The following ARHGEF1 variants were observed in gnomAD, a reference collection of about 807,000 sequenced individuals.
ARHGEF1 encodes 115 kDa guanine nucleotide exchange factor.
In ARHGEF1, 40 loss-of-function variants were observed where a neutral mutation model predicts 119.7. The ratio of observed to expected loss-of-function variants is 0.33; its 90% CI spans 0.26 to 0.44. The LOEUF (loss-of-function observed/expected upper bound fraction) is 0.44. Among genes scored for constraint, ARHGEF1 ranks in the 20% least tolerant of loss-of-function variants. The pLI is 1.00. For missense variants in ARHGEF1, 976 were observed against 1,268.3 expected (o/e 0.77, Z 3.50); for synonymous variants, 494 against 521.0 (o/e 0.95, Z 0.71).
chr19:41,900,833 T>C (rs1214719963), intron 14 of ARHGEF1: 1 of 135,120 alleles, frequency 7.4e-6, no homozygotes, highest in Admixed American at 8.1e-5. Flanking sequence ...CTCTGTCGCC[T>C]AGGCTAGAGT....
In ARHGEF1 at chr19:41,899,945, T is replaced by C. The variant is rs112279220; in HGVS notation, c.1267+1358T>C. 6.6e-5 allele frequency among the ~76,000 whole-genome samples: 10 copies of C among 150,896 alleles called. 1 individual carries two copies. Among genetic ancestry groups the C allele is most frequent in the African/African-American group, 2.4e-4 (10 of 40,998 alleles). On this transcript the variant is annotated intron_variant, in intron 14 of 28. Transcript: ENST00000354532. ...TAAAAAAAAAAAAAAACATGAGCCATGTGCTACCCATTAGGACTTTCTGGA... is the reference window on the plus strand; with the variant it reads ...TAAAAAAAAAAAAAAACATGAGCCACGTGCTACCCATTAGGACTTTCTGGA...
At chr19:41,891,953 C>T in intron 4 of ARHGEF1, 72 bp from the exon 5 acceptor site, 1 of 1,331,836 alleles carries the variant, frequency 7.5e-7, no homozygotes. Flanking sequence ...GTGAGGAAGG[C>T]CCTTTTCAAA....
Position 41,902,721 on chromosome 19 carries a change from G to A in ARHGEF1, c.1623+63G>A. ...GGGGCCTGGAGACCCAGACTCCTAG[G>A]TGCCTGCGCCCTGGGGTGAGCCCAA... On this transcript the variant is annotated intron_variant, in intron 17 of 28. Transcript: ENST00000354532. This position sits in a 1 kb window ranked among gnomAD's most constrained non-coding sequence, Gnocchi z 6.5. 6.8e-6 allele frequency: 11 copies of A among 1,613,450 alleles called. No individual in the cohort carries two copies. The highest frequency in any genetic ancestry group is 9.3e-6 in the Non-Finnish European group (11 of 1,179,736).
In ARHGEF1 at chr19:41,906,856, C is replaced by CCTTT; in HGVS notation, c.*17+54_*17+55insTTTC. On this transcript the variant is annotated intron_variant, in intron 28 of 28. Coordinates refer to ENST00000354532, the MANE Select transcript of ARHGEF1 (RefSeq NM_004706.4). The surrounding 1 kb of genome is among the most constrained non-coding windows in gnomAD (Gnocchi z 4.5). Reference sequence around the variant, plus strand: ...GCTGTCCTGAAAGGAGGGTCCCCCTCCAGAGCTCGCATCCCTACAGCCCCT... The same window carrying CCTTT: ...GCTGTCCTGAAAGGAGGGTCCCCCTCCTTTCAGAGCTCGCATCCCTACAGCCCCT... 1.4e-6 allele frequency: 2 copies of CCTTT among 1,391,330 alleles called. No individual in the cohort carries two copies. Among genetic ancestry groups the CCTTT allele is most frequent in the Non-Finnish European group, 2.0e-6 (2 of 1,018,594 alleles). 86.2% of individuals were successfully genotyped at this position (1,391,330 alleles called of 1,614,324 possible).
At chr19:41,893,347 A>G (rs1269956217) in intron 8 of ARHGEF1, 44 bp downstream of exon 8, 2 of 1,433,820 alleles carry the variant, frequency 1.4e-6, no homozygotes, top group Non-Finnish European at 1.9e-6. Flanking sequence ...GGTTTGAGGG[A>G]GGAGGGGGCT....
chr19:41,924,612 G>T (rs548349494), intron 1 of ARHGEF1, among the ~76,000 whole-genome samples: 1 of 152,154 alleles, frequency 6.6e-6, no homozygotes. Context: ...ACAAGCACCT[G>T]CTACTCAGAG....
In ARHGEF1 at chr19:41,901,868, T is replaced by TG; in HGVS notation, c.1268-18dup. 6.2e-7 allele frequency: 1 copy of TG among 1,605,772 alleles called. No homozygotes were observed. Among genetic ancestry groups the TG allele is most frequent in the South Asian group, 1.1e-5 (1 of 90,912 alleles). Reference sequence around the variant, plus strand: ...TCTGCACCCTCCCCAACATGCTTCCTGCTTTGGTGGCCCTGCAGAGCTGCT... The same window carrying TG: ...TCTGCACCCTCCCCAACATGCTTCCTGGCTTTGGTGGCCCTGCAGAGCTGCT... On this transcript the variant is annotated intron_variant, in intron 14 of 28. Transcript: ENST00000354532.
intron 1 of ARHGEF1, among the ~76,000 whole-genome samples, chr19:41,885,190 C>T (rs1173726877): frequency 6.6e-6 from 1 of 152,110 alleles, no homozygotes; most frequent in Non-Finnish European, 1.5e-5. Context: ...CTATAATTCT[C>T]CAGCCTTTGT....
chr19:41,898,982 A>C (rs572537436), intron 14 of ARHGEF1, among the ~76,000 whole-genome samples: 1 of 152,176 alleles, frequency 6.6e-6, no homozygotes, highest in Admixed American at 6.5e-5. Context: ...AGAGCATTTT[A>C]TTTTATTTAT....
rs782351420 is a variant in ARHGEF1, at chr19:41,892,706, C to A, written c.471C>A (p.Phe157Leu). The stretch of plus-strand genomic sequence containing the variant: ...CCGTGGGCCGGCAGCTGGAGGACTT[C>A]CGTTCCAAGCGGCTCATGGGCATGA... ...QVAVGRQLEDFRSKRLMGMTP... is the reference protein window; with the variant it reads ...QVAVGRQLEDLRSKRLMGMTP... Residue 157 changes from phenylalanine to leucine, a missense_variant, in exon 7 of 29, where the codon TTC becomes TTA. Around this residue, in one of 3 missense-constraint regions of ARHGEF1, gnomAD observed 519 missense variants for 580.9 expected, o/e 0.89. Transcript: ENST00000354532. This position sits in a 1 kb window ranked among gnomAD's most constrained non-coding sequence, Gnocchi z 6.3. 1 of 1,613,412 alleles carries A rather than the reference C, an allele frequency of 6.2e-7. No homozygotes were observed. Among genetic ancestry groups the A allele is most frequent in the South Asian group, 1.1e-5 (1 of 91,000 alleles).
chr19:41,921,205 C>A (rs2074840376), upstream of ARHGEF1, among the ~76,000 whole-genome samples: 3 of 152,140 alleles, frequency 2.0e-5, no homozygotes, highest in South Asian at 6.3e-4. This position sits in a 1 kb window ranked among gnomAD's most constrained non-coding sequence, Gnocchi z 4.4. Flanking sequence ...CTCGTGGACC[C>A]CGCCTCCCCT....
At chr19:41,887,989 G>T (rs1555845498) in intron 1 of ARHGEF1, 75 bp from the exon 2 acceptor site, 2 of 1,504,860 alleles carry the variant, frequency 1.3e-6, no homozygotes, top group Non-Finnish European at 1.8e-6. Flanking sequence ...TCACACCTGG[G>T]CCAGGAATCT....
chr19:41,928,965 G>A (rs2074889585), exon 2 of ARHGEF1: 1 of 454,888 alleles, frequency 2.2e-6, no homozygotes, highest in Admixed American at 2.4e-5. Flanking sequence ...GAGATACACG[G>A]ACAGAGGGAC....
chr19:41,903,610 C>T lies in ARHGEF1; in HGVS notation c.1840-97C>T. On this transcript the variant is annotated intron_variant, in intron 19 of 28. Transcript: ENST00000354532. The surrounding 1 kb of genome is among the most constrained non-coding windows in gnomAD (Gnocchi z 4.2). ...GGCCCAACCCTCAGCTTGCCCGCATCAGAAGTTGGTCTTGGCTCTCATCTT... is the reference window on the plus strand; with the variant it reads ...GGCCCAACCCTCAGCTTGCCCGCATTAGAAGTTGGTCTTGGCTCTCATCTT... 7.4e-7 allele frequency: 1 copy of T among 1,354,860 alleles called. No individual in the cohort carries two copies. The highest frequency in any genetic ancestry group is 1.0e-6 in the Non-Finnish European group (1 of 966,708). 83.9% of individuals were successfully genotyped at this position (1,354,860 alleles called of 1,614,324 possible). A position where few individuals can be genotyped will look rare whatever the true frequency, so the allele number is the denominator to read the frequency against.
In ARHGEF1 at chr19:41,907,340, A is replaced by G. The variant is rs2074718917; in HGVS notation, c.*253A>G. The G allele has an allele frequency of 1.3e-6, 2 of 1,534,806 alleles. No individual in the cohort carries two copies. Among genetic ancestry groups the G allele is most frequent in the Non-Finnish European group, 8.7e-7 (1 of 1,146,434 alleles). ...GGAGGGCACCACGGTGACCCGGGCC[A>G]TCTCAGTATTGCCTGTGGGGGCCAC... On this transcript the variant is annotated 3_prime_UTR_variant, in exon 29 of 29. Coordinates refer to ENST00000354532, the MANE Select transcript of ARHGEF1 (RefSeq NM_004706.4).
chr19:41,919,086 A>G (rs1357885559), upstream of ARHGEF1, among the ~76,000 whole-genome samples: 1 of 151,172 alleles, frequency 6.6e-6, no homozygotes, highest in African/African-American at 2.4e-5. Flanking sequence ...ACATTACACC[A>G]CACCACATGC....
At chr19:41,896,552 C>A in intron 13 of ARHGEF1, 70 bp downstream of exon 13, 1 of 1,240,008 alleles carries the variant, frequency 8.1e-7, no homozygotes, top group Non-Finnish European at 1.2e-6. Flanking sequence ...GCAGGGTCAC[C>A]GCTGCCATCT....
intron 12 of ARHGEF1, 66 bp from the exon 13 acceptor site, chr19:41,896,311 C>T (rs1038468650): frequency 1.3e-5 from 11 of 821,262 alleles, no homozygotes; most frequent in South Asian, 8.0e-5. Flanking sequence ...CAATTCCAGG[C>T]CCCCAGAGTG....
In ARHGEF1 at chr19:41,907,129, G is replaced by C; in HGVS notation, c.*42G>C. ...GGCCTTTTGCAAGAAGGAGAGGAAT[G>C]GGGGAGAGGACGTGAGGGACCACCC... On this transcript the variant is annotated 3_prime_UTR_variant, in exon 29 of 29. Transcript: ENST00000354532. 2.0e-6 allele frequency: 3 copies of C among 1,530,434 alleles called. No homozygotes were observed. Among genetic ancestry groups the C allele is most frequent in the East Asian group, 4.9e-5 (2 of 40,768 alleles). 94.8% of individuals were successfully genotyped at this position (1,530,434 alleles called of 1,614,324 possible). A position where few individuals can be genotyped will look rare whatever the true frequency, so the allele number is the denominator to read the frequency against.
Sources: gnomAD v4.1 joint callset for allele counts (sites outside exome capture counted in the v4.1 genomes callset) on GRCh38, gnomAD v4.1.1 for gene constraint, gnomAD v4.1.1 regional missense constraint, Gnocchi (gnomAD v3.1) non-coding constraint, MANE v1.5 for transcripts, NCBI Gene and HGNC (gene_info 2026-07-23, HGNC 2026-07-21) for gene names.